TOM1L2: variants seen among roughly 807,000 people sequenced by gnomAD.
TOM1L2 encodes TOM1-like protein 2.
Under a neutral mutation model 67.9 loss-of-function variants are expected in TOM1L2, and 31 were observed. That is an observed-to-expected ratio of 0.46 (90% CI 0.34 to 0.62). The LOEUF (loss-of-function observed/expected upper bound fraction) is 0.62. Ranked by LOEUF, TOM1L2 falls within the 20% of genes least tolerant of loss-of-function variation. The pLI is 0.01. For missense variants in TOM1L2, 606 were observed against 663.5 expected (o/e 0.91, Z 0.95); for synonymous variants, 256 against 254.0 (o/e 1.01, Z -0.07).
chr17:17,939,011 A>G (rs1162590164), intron 1 of TOM1L2, among the ~76,000 whole-genome samples: 4 of 152,206 alleles, frequency 2.6e-5, no homozygotes, highest in African/African-American at 9.7e-5. Flanking sequence ...TCTGAACCCA[A>G]GTGTTTCACC....
intron 10 of TOM1L2, among the ~76,000 whole-genome samples, chr17:17,865,076 T>C (rs549764985): frequency 2.0e-5 from 3 of 152,364 alleles, no homozygotes; most frequent in African/African-American, 7.2e-5. Flanking sequence ...TGTTATAAAT[T>C]GGTATCATCC....
chr17:17,898,793 G>A, intron 2 of TOM1L2, 119 bp from the exon 3 acceptor site: 1 of 953,624 alleles, frequency 1.0e-6, no homozygotes, highest in East Asian at 2.6e-5. Context: ...GTTTGTAAAT[G>A]TAAAAGACTG....
At position 17,922,459 on chromosome 17, in the gene TOM1L2, G is replaced by T. The variant is rs537895391; in HGVS notation, c.53-14928C>A. ...CAGATCGCTCTGGTAACAGCATGGG[G>T]GCTGTAGTGGAGTGGAGAGACTGCA... On this transcript the variant is annotated intron_variant, in intron 1 of 14. Coordinates refer to ENST00000379504, the MANE Select transcript of TOM1L2 (RefSeq NM_001082968.2). 2.6e-5 allele frequency among the ~76,000 whole-genome samples: 4 copies of T among 152,290 alleles called. No homozygotes were observed. The East Asian group carries it at 7.7e-4, about 29-fold the overall frequency.
intron 1 of TOM1L2, among the ~76,000 whole-genome samples, chr17:17,948,217 T>C (rs1463735458): frequency 2.6e-5 from 4 of 152,226 alleles, no homozygotes; most frequent in African/African-American, 9.7e-5. Context: ...CACTGAGACT[T>C]GCTGTACTGG....
At chr17:17,931,437 T>C (rs959170659) in intron 1 of TOM1L2, among the ~76,000 whole-genome samples, 2 of 152,128 alleles carry the variant, frequency 1.3e-5, no homozygotes, top group Non-Finnish European at 2.9e-5. Context: ...ACCAAATAAC[T>C]AAATGTCTCT....
chr17:17,920,405 A>G (rs1205375324), intron 1 of TOM1L2, among the ~76,000 whole-genome samples: 4 of 145,308 alleles, frequency 2.8e-5, no homozygotes, highest in African/African-American at 1.0e-4. Context: ...CAGTGGTACA[A>G]TCTCAGCTCA....
intron 4 of TOM1L2, among the ~76,000 whole-genome samples, chr17:17,890,870 A>G (rs1172841893): frequency 2.0e-5 from 3 of 152,256 alleles, no homozygotes; most frequent in Non-Finnish European, 2.9e-5. Flanking sequence ...AGTTTAAAAA[A>G]AAGAAAGGGC....
At chr17:17,929,759 A>C (rs529369803) in intron 1 of TOM1L2, among the ~76,000 whole-genome samples, 1 of 152,360 alleles carries the variant, frequency 6.6e-6, no homozygotes, top group East Asian at 1.9e-4. Flanking sequence ...AGACCTTTCC[A>C]GAGAATTACA....
At chr17:17,952,965 G>A (rs2041273707) in intron 1 of TOM1L2, among the ~76,000 whole-genome samples, 1 of 152,126 alleles carries the variant, frequency 6.6e-6, no homozygotes, top group South Asian at 2.1e-4. Flanking sequence ...AAAGCAGCCT[G>A]CCCACCACAA....
At chr17:17,922,834 A>T (rs138379562) in intron 1 of TOM1L2, among the ~76,000 whole-genome samples, 2 of 152,248 alleles carry the variant, frequency 1.3e-5, no homozygotes, top group African/African-American at 2.4e-5. Flanking sequence ...GCAGAAGGGG[A>T]GGGTGACTGT....
intron 7 of TOM1L2, among the ~76,000 whole-genome samples, chr17:17,871,435 C>A (rs539234435): frequency 5.3e-5 from 8 of 152,048 alleles, no homozygotes; most frequent in African/African-American, 1.4e-4. Flanking sequence ...TTTGGGAGGC[C>A]GAGGCAGGCG....
intron 13 of TOM1L2, among the ~76,000 whole-genome samples, chr17:17,850,359 C>G (rs2035890461): frequency 6.6e-6 from 1 of 152,116 alleles, no homozygotes; most frequent in African/African-American, 2.4e-5. Context: ...CTAGCCCTAT[C>G]TCTGAGGATG....
At chr17:17,887,157 C>T (rs761921998) in intron 4 of TOM1L2, among the ~76,000 whole-genome samples, 25 of 152,220 alleles carry the variant, frequency 1.6e-4, no homozygotes, top group Non-Finnish European at 2.6e-4. Flanking sequence ...TTTGCCTAGG[C>T]AAGCTGGAGT....
chr17:17,950,956 A>T (rs1230537521), intron 1 of TOM1L2, among the ~76,000 whole-genome samples: 1 of 152,156 alleles, frequency 6.6e-6, no homozygotes, highest in Non-Finnish European at 1.5e-5. Flanking sequence ...ATGGGCAGGG[A>T]GGACCTACCA....
At chr17:17,952,829 CTG>C (rs1461545415) in intron 1 of TOM1L2, among the ~76,000 whole-genome samples, 1 of 152,202 alleles carries the variant, frequency 6.6e-6, no homozygotes, top group Middle Eastern at 3.2e-3. Flanking sequence ...TAGAGGAACA[CTG>C]GAGTAAGAAG....
At chr17:17,855,121 G>T (rs2070908747) in intron 12 of TOM1L2, among the ~76,000 whole-genome samples, 1 of 152,216 alleles carries the variant, frequency 6.6e-6, no homozygotes, top group South Asian at 2.1e-4. Context: ...GAAGCCACAG[G>T]TTTTGATCTG....
rs1477334598 is a variant in TOM1L2 at position 17,862,776 on chromosome 17, A to G, written c.1157T>C (p.Met386Thr). The G allele has an allele frequency of 1.4e-5, 22 of 1,614,084 alleles. No individual in the cohort carries two copies. Among genetic ancestry groups the G allele is most frequent in the Non-Finnish European group, 1.8e-5 (21 of 1,180,032 alleles). Residue 386 changes from methionine (M) to threonine (T), a missense_variant, in exon 11 of 15, where the codon ATG (methionine) becomes ACG (threonine). By Grantham distance (81) the Met-to-Thr change is moderately conservative. Coordinates refer to ENST00000379504, the MANE Select transcript of TOM1L2 (RefSeq NM_001082968.2). Reference sequence around the variant, plus strand: ...GGAGTTTCCTCTCGTCTGGGCAAACATGTCAAAGCCGTCACGGGGATTACA... The same window carrying G: ...GGAGTTTCCTCTCGTCTGGGCAAACGTGTCAAAGCCGTCACGGGGATTACA... Reference protein sequence around the residue: ...QQCNPRDGFDMFAQTRGNSLA... With the variant: ...QQCNPRDGFDTFAQTRGNSLA...
chr17:17,945,307 C>T (rs1273078571), intron 1 of TOM1L2, among the ~76,000 whole-genome samples: 1 of 152,026 alleles, frequency 6.6e-6, no homozygotes, highest in Non-Finnish European at 1.5e-5. Context: ...CTCTCTCTCT[C>T]TCTCATTCCT....
intron 5 of TOM1L2, among the ~76,000 whole-genome samples, chr17:17,883,196 G>C (rs1450077143): frequency 6.6e-6 from 1 of 152,190 alleles, no homozygotes; most frequent in African/African-American, 2.4e-5. Context: ...TCCAAGTGGA[G>C]GGAGGGCGGT....
Sources: gnomAD v4.1 joint callset for allele counts (sites outside exome capture counted in the v4.1 genomes callset) on GRCh38, gnomAD v4.1.1 for gene constraint, MANE v1.5 for transcripts, NCBI Gene and HGNC (gene_info 2026-07-23, HGNC 2026-07-21) for gene names.